CTNNA2: variants seen among roughly 807,000 people sequenced by gnomAD.
The protein encoded by CTNNA2 is catenin alpha 2.
In CTNNA2, 42 loss-of-function variants were observed where a neutral mutation model predicts 101.0. That is an observed-to-expected ratio of 0.42 (90% CI 0.32 to 0.54). The LOEUF (loss-of-function observed/expected upper bound fraction) is 0.54. CTNNA2 is among the 20% of genes least tolerant of loss of function. CTNNA2 has a pLI of 0.14. For synonymous variants in CTNNA2, 450 were observed against 456.4 expected, an observed-to-expected ratio of 0.99 and a Z score of 0.18; for missense variants, 871 against 1,223.1, an observed-to-expected ratio of 0.71 and a Z score of 4.29.
At chr2:79,999,824 A>G (rs553398857) in intron 7 of CTNNA2, among the ~76,000 whole-genome samples, 4 of 152,316 alleles carry the variant, frequency 2.6e-5, no homozygotes, top group Admixed American at 6.5e-5. Flanking sequence ...AGCATCTGCA[A>G]TTTCTCATTT....
At chr2:80,177,470 G>A (rs1705467702) in intron 7 of CTNNA2, among the ~76,000 whole-genome samples, 1 of 152,124 alleles carries the variant, frequency 6.6e-6, no homozygotes, top group African/African-American at 2.4e-5. Context: ...CAGCAAATTG[G>A]GCACTCAGTG....
At chr2:80,328,909 A>G (rs1312613348) in intron 7 of CTNNA2, among the ~76,000 whole-genome samples, 2 of 152,190 alleles carry the variant, frequency 1.3e-5, no homozygotes, top group Admixed American at 6.5e-5. Context: ...TGCAATGCCA[A>G]TATGAAGGAC....
chr2:80,453,409 T>C (rs1683687558), intron 9 of CTNNA2, among the ~76,000 whole-genome samples: 1 of 151,904 alleles, frequency 6.6e-6, no homozygotes, highest in Admixed American at 6.6e-5. Flanking sequence ...TTACTGGTAC[T>C]GAACTTCACT....
chr2:80,467,288 A>T (rs1462096096), intron 9 of CTNNA2, among the ~76,000 whole-genome samples: 1 of 152,216 alleles, frequency 6.6e-6, no homozygotes, highest in African/African-American at 2.4e-5. Context: ...AAGATAAGGA[A>T]AAAAGAATAT....
intron 7 of CTNNA2, among the ~76,000 whole-genome samples, chr2:80,200,458 A>G (rs1315340131): frequency 6.6e-6 from 1 of 152,128 alleles, no homozygotes; most frequent in Non-Finnish European, 1.5e-5. Flanking sequence ...TTGTATGAGA[A>G]TAGTGTGTAT....
intron 9 of CTNNA2, among the ~76,000 whole-genome samples, chr2:80,507,899 T>C (rs1688397650): frequency 1.3e-5 from 2 of 152,136 alleles, no homozygotes; most frequent in African/African-American, 4.8e-5. Flanking sequence ...TGATGGGTGA[T>C]TAATGAGCAT....
intron 18 of CTNNA2, among the ~76,000 whole-genome samples, chr2:80,632,940 A>G (rs1489807983): frequency 1.3e-5 from 2 of 152,226 alleles, no homozygotes; most frequent in Admixed American, 1.3e-4. Context: ...CAAAGAGATT[A>G]CAGAGTGTCC....
intron 1 of CTNNA2, among the ~76,000 whole-genome samples, chr2:79,580,142 C>G (rs893715551): frequency 2.6e-5 from 4 of 151,972 alleles, no homozygotes; most frequent in African/African-American, 9.7e-5. Flanking sequence ...TTTTTAGGAT[C>G]TATTTCTTGA....
chr2:79,810,701 T>C (rs1199221645), intron 3 of CTNNA2, among the ~76,000 whole-genome samples: 87 of 149,514 alleles, frequency 5.8e-4, no homozygotes, highest in Non-Finnish European at 1.1e-3. Flanking sequence ...CAACAGGCCC[T>C]GGTGTGTGAT....
At chr2:80,143,605 T>C (rs1355367796) in intron 7 of CTNNA2, among the ~76,000 whole-genome samples, 1 of 152,022 alleles carries the variant, frequency 6.6e-6, no homozygotes, top group Non-Finnish European at 1.5e-5. Context: ...TCCCCAAGAA[T>C]GAACAATTTG....
At chr2:80,239,102 G>C (rs1433121899) in intron 7 of CTNNA2, among the ~76,000 whole-genome samples, 1 of 152,146 alleles carries the variant, frequency 6.6e-6, no homozygotes, top group African/African-American at 2.4e-5. Flanking sequence ...ATTGAATATA[G>C]TAACCAATTC....
rs180756566 is a variant in CTNNA2, at chr2:80,189,995, T to A, written c.1057-203216T>A. ...TAAGACTTTGAGGTCAGAGGAAACA[T>A]GAATGGGGAAATCCATGAAAAAAAA... On this transcript the variant is annotated intron_variant, in intron 7 of 18. Transcript: ENST00000402739. 3.8e-3 allele frequency among the ~76,000 whole-genome samples: 555 copies of A among 145,140 alleles called. 1 individual carries two copies. Among genetic ancestry groups the A allele is most frequent in the African/African-American group, 0.015 (531 of 35,956 alleles).
intron 7 of CTNNA2, among the ~76,000 whole-genome samples, chr2:80,249,368 C>T (rs967856666): frequency 6.6e-6 from 1 of 152,168 alleles, no homozygotes; most frequent in Non-Finnish European, 1.5e-5. Flanking sequence ...GGCCTCCTTA[C>T]TTCCCTTCCA....
chr2:79,641,332 A>G (rs549476810), intron 1 of CTNNA2, among the ~76,000 whole-genome samples: 1 of 152,358 alleles, frequency 6.6e-6, no homozygotes, highest in East Asian at 1.9e-4. Context: ...TGAGATATAT[A>G]GTTATTGCAC....
chr2:80,582,373 G>T (rs1360067326), intron 14 of CTNNA2, among the ~76,000 whole-genome samples: 1 of 152,110 alleles, frequency 6.6e-6, no homozygotes, highest in Non-Finnish European at 1.5e-5. Context: ...CTACTCCCAT[G>T]GTGGTATTCC....
chr2:79,420,290 G>A (rs1678527822), intron 4 of CTNNA2, among the ~76,000 whole-genome samples: 1 of 152,186 alleles, frequency 6.6e-6, no homozygotes, highest in Non-Finnish European at 1.5e-5. Context: ...TCATGAAGCA[G>A]GGGCTCAATG....
intron 7 of CTNNA2, among the ~76,000 whole-genome samples, chr2:80,054,909 G>C (rs1697119850): frequency 6.6e-6 from 1 of 152,106 alleles, no homozygotes; most frequent in South Asian, 2.1e-4. Context: ...CATCTTAATA[G>C]GGTGAAGAGA....
intron 2 of CTNNA2, among the ~76,000 whole-genome samples, chr2:79,303,097 A>G (rs995705130): frequency 1.3e-5 from 2 of 152,134 alleles, no homozygotes; most frequent in African/African-American, 4.8e-5. Context: ...TGTTGTTATT[A>G]TTATTTTCAG....
chr2:79,652,985 C>CATCTGTGTAGCTGTGAAACTACAA, intron 2 of CTNNA2, among the ~76,000 whole-genome samples: 1 of 152,124 alleles, frequency 6.6e-6, no homozygotes, highest in African/African-American at 2.4e-5. Context: ...AGTTCCTCTC[C>CATCTGTGTAGCTGTGAAACTACAA]ATCTGTGTAG....
Sources: allele counts gnomAD v4.1 joint callset (sites outside exome capture counted in the v4.1 genomes callset), GRCh38; gene constraint gnomAD v4.1.1; transcripts MANE v1.5; gene names NCBI Gene and HGNC (gene_info 2026-07-23, HGNC 2026-07-21).